ALK: variants seen among roughly 807,000 people sequenced by gnomAD.
The protein encoded by ALK is ALK receptor tyrosine kinase.
ALK carries 74 observed loss-of-function variants against 163.1 expected under a neutral mutation model. That is an observed-to-expected ratio of 0.45 (90% CI 0.38 to 0.55). The LOEUF (loss-of-function observed/expected upper bound fraction) is 0.55. Among genes scored for constraint, ALK ranks in the 20% least tolerant of loss-of-function variants. The pLI is 0.00. For synonymous variants in ALK, 960 were observed against 843.2 expected (o/e 1.14, Z -2.40); for missense variants, 2,063 against 2,105.3 (o/e 0.98, Z 0.39).
At chr2:29,915,895 G>A (rs1017055684) in intron 1 of ALK, among the ~76,000 whole-genome samples, 1 of 152,094 alleles carries the variant, frequency 6.6e-6, no homozygotes, top group East Asian at 1.9e-4. Context: ...TGGAGGGCAG[G>A]GAAGAATAAA....
chr2:29,561,884 A>T (rs1405346659), intron 3 of ALK, among the ~76,000 whole-genome samples: 1 of 152,052 alleles, frequency 6.6e-6, no homozygotes, highest in Non-Finnish European at 1.5e-5. Context: ...ACCCCTAGAT[A>T]TATTGATTTA....
intron 3 of ALK, among the ~76,000 whole-genome samples, chr2:29,675,457 G>A (rs77201815): frequency 0.056 from 8,580 of 151,986 alleles, 368 homozygotes; most frequent in African/African-American, 0.11. Context: ...GGCAGCCTGC[G>A]TCTTCCTTTT....
intron 1 of ALK, among the ~76,000 whole-genome samples, chr2:29,803,873 C>T (rs1313721577): frequency 2.0e-5 from 3 of 152,136 alleles, no homozygotes; most frequent in African/African-American, 7.2e-5. Context: ...ATGGGCTCTG[C>T]CTCAATGTCC....
intron 4 of ALK, among the ~76,000 whole-genome samples, chr2:29,412,989 C>T (rs1236727902): frequency 6.6e-6 from 1 of 152,190 alleles, no homozygotes; most frequent in Admixed American, 6.5e-5. Context: ...TCTTCAAGAT[C>T]GTAGCTATGG....
At chr2:29,682,277 A>G (rs1678094330) in intron 3 of ALK, among the ~76,000 whole-genome samples, 1 of 152,240 alleles carries the variant, frequency 6.6e-6, no homozygotes, top group African/African-American at 2.4e-5. Context: ...GGGCTGGGCA[A>G]TTATGGATGC....
intron 1 of ALK, among the ~76,000 whole-genome samples, chr2:29,875,555 G>T (rs1391332173): frequency 6.6e-6 from 1 of 152,030 alleles, no homozygotes; most frequent in Non-Finnish European, 1.5e-5. Context: ...CATGCATTAG[G>T]TATTTCTCCT....
intron 8 of ALK, among the ~76,000 whole-genome samples, chr2:29,308,756 CAG>C (rs1434416756): frequency 3.9e-5 from 6 of 152,168 alleles, no homozygotes; most frequent in Non-Finnish European, 7.3e-5. Context: ...GACCAGTGCC[CAG>C]CTTAGCGAAG....
chr2:29,273,507 T>C (rs1025932322), intron 11 of ALK, among the ~76,000 whole-genome samples: 15 of 152,178 alleles, frequency 9.9e-5, no homozygotes, highest in Admixed American at 2.6e-4. Flanking sequence ...CCTTACTGAG[T>C]AACCTTTTAG....
intron 4 of ALK, among the ~76,000 whole-genome samples, chr2:29,399,519 A>T (rs1224782883): frequency 6.6e-6 from 1 of 152,248 alleles, no homozygotes; most frequent in African/African-American, 2.4e-5. Context: ...GAAGAGCTAC[A>T]GGGCATGCTC....
chr2:29,543,361 G>C lies in ALK; in HGVS notation c.953-11245C>G, dbSNP rs192718006. 1.3e-4 allele frequency among the ~76,000 whole-genome samples: 20 copies of C among 152,348 alleles called. No homozygotes were observed. The East Asian group carries it at 2.9e-3, about 22-fold the overall frequency. The stretch of plus-strand genomic sequence containing the variant: ...CTAGGGAGGCTAACAGGAGCTATAT[G>C]TGTACAGATGGTGTTTGTCCTTTAT... On this transcript the variant is annotated intron_variant, in intron 3 of 28. Transcript: ENST00000389048.
chr2:29,694,157 A>G (rs1573561212), intron 3 of ALK, among the ~76,000 whole-genome samples: 1 of 152,194 alleles, frequency 6.6e-6, no homozygotes. Flanking sequence ...GTCTCTGTCT[A>G]AGAAACTCAG....
At chr2:29,590,620 T>C (rs1239192884) in intron 3 of ALK, among the ~76,000 whole-genome samples, 4 of 152,176 alleles carry the variant, frequency 2.6e-5, no homozygotes, top group Non-Finnish European at 4.4e-5. Flanking sequence ...TCAGCAAGAA[T>C]CCTGTGAGGT....
chr2:29,559,517 C>T (rs761823659), intron 3 of ALK, among the ~76,000 whole-genome samples: 37 of 152,116 alleles, frequency 2.4e-4, no homozygotes, highest in Non-Finnish European at 4.4e-4. Context: ...TTAATATTTG[C>T]CATCAACTCT....
chr2:29,441,423 G>C (rs1347590966), intron 4 of ALK, among the ~76,000 whole-genome samples: 2 of 152,226 alleles, frequency 1.3e-5, no homozygotes, highest in African/African-American at 4.8e-5. Context: ...ATGTAGGAAT[G>C]GGGCAGGCAT....
chr2:29,519,446 C>A (rs1290306085), intron 4 of ALK, among the ~76,000 whole-genome samples: 1 of 152,214 alleles, frequency 6.6e-6, no homozygotes, highest in Non-Finnish European at 1.5e-5. Context: ...GAGAGGCAGT[C>A]ATGGGTGAAG....
chr2:29,835,711 G>A (rs781214363), intron 1 of ALK, among the ~76,000 whole-genome samples: 5 of 152,126 alleles, frequency 3.3e-5, no homozygotes, highest in African/African-American at 7.2e-5. Flanking sequence ...TCATGTGGGT[G>A]GTATCCCCCA....
intron 1 of ALK, among the ~76,000 whole-genome samples, chr2:29,797,552 C>T (rs1030475604): frequency 6.6e-6 from 1 of 152,154 alleles, no homozygotes; most frequent in African/African-American, 2.4e-5. Context: ...TTTTGGAACT[C>T]TAGGATCCCT....
At chr2:29,710,015 C>T (rs554647047) in intron 2 of ALK, among the ~76,000 whole-genome samples, 25 of 152,316 alleles carry the variant, frequency 1.6e-4, no homozygotes, top group South Asian at 4.2e-4. Flanking sequence ...ATAATTCCCA[C>T]GTACCATGGG....
intron 2 of ALK, among the ~76,000 whole-genome samples, chr2:29,701,606 G>A (rs541191133): frequency 6.6e-6 from 1 of 152,250 alleles, no homozygotes; most frequent in African/African-American, 2.4e-5. Flanking sequence ...TTACTTTCTT[G>A]TTCCTGGCAA....
Sources: allele counts gnomAD v4.1 joint callset (sites outside exome capture counted in the v4.1 genomes callset), GRCh38; gene constraint gnomAD v4.1.1; transcripts MANE v1.5; gene names NCBI Gene and HGNC (gene_info 2026-07-23, HGNC 2026-07-21).